Variants in FCHSD2 observed in about 807,000 individuals in gnomAD.
FCHSD2 encodes FCH and double SH3 domains 2, also known as F-BAR and double SH3 domains protein 2.
Under a neutral mutation model 108.1 loss-of-function variants are expected in FCHSD2, and 38 were observed. The observed-to-expected ratio is 0.35, with a 90% CI of 0.27 to 0.46. The LOEUF (loss-of-function observed/expected upper bound fraction) is 0.46. FCHSD2 is among the 20% of genes least tolerant of loss of function. FCHSD2 has a pLI of 1.00. For missense variants in FCHSD2, 751 were observed against 897.8 expected (o/e 0.84, Z 2.09); for synonymous variants, 279 against 314.7 (o/e 0.89, Z 1.20).
intron 3 of FCHSD2, among the ~76,000 whole-genome samples, chr11:73,065,736 G>A (rs1859274979): frequency 6.6e-6 from 1 of 152,030 alleles, no homozygotes. Context: ...AAAATCATGA[G>A]TGAACTCCCA....
intron 3 of FCHSD2, among the ~76,000 whole-genome samples, chr11:73,076,580 A>T (rs566653074): frequency 6.6e-6 from 1 of 152,324 alleles, no homozygotes; most frequent in Admixed American, 6.5e-5. Context: ...GATGAACTGG[A>T]ATAATGGCAA....
At chr11:73,023,819 A>G (rs537487715) in intron 3 of FCHSD2, among the ~76,000 whole-genome samples, 5 of 152,340 alleles carry the variant, frequency 3.3e-5, no homozygotes, top group Non-Finnish European at 7.4e-5. Flanking sequence ...AATAGTACTT[A>G]GCAATTAAAA....
At chr11:72,958,991 ATAT>A (rs751792335) in intron 8 of FCHSD2, among the ~76,000 whole-genome samples, 1 of 41,660 alleles carries the variant, frequency 2.4e-5, no homozygotes, top group African/African-American at 5.3e-5. Flanking sequence ...CATCAGTAAG[ATAT>A]GTGTGTGTGT....
chr11:72,846,418 G>A (rs528604944), intron 14 of FCHSD2, among the ~76,000 whole-genome samples: 369 of 152,202 alleles, frequency 2.4e-3, no homozygotes, highest in Non-Finnish European at 4.2e-3. Flanking sequence ...CTGACCTCGC[G>A]ATTCGCCCGC....
chr11:73,012,568 TA>T (rs1336166140), intron 4 of FCHSD2, among the ~76,000 whole-genome samples: 2 of 152,174 alleles, frequency 1.3e-5, no homozygotes, highest in Non-Finnish European at 2.9e-5. Flanking sequence ...ATAACAAAAC[TA>T]AAATAAGCTC....
intron 3 of FCHSD2, among the ~76,000 whole-genome samples, chr11:73,036,711 C>A (rs1165911828): frequency 6.6e-6 from 1 of 152,086 alleles, no homozygotes; most frequent in Non-Finnish European, 1.5e-5. Flanking sequence ...TTTATTCATC[C>A]GTGTAACAAA....
chr11:72,869,417 A>T (rs1854802208), intron 12 of FCHSD2: 1 of 151,614 alleles, frequency 6.6e-6, no homozygotes, highest in Non-Finnish European at 1.5e-5. Flanking sequence ...TGAAGAAGGG[A>T]AAGAGAGGGT....
At chr11:72,927,449 G>A (rs142637835) in intron 8 of FCHSD2, among the ~76,000 whole-genome samples, 91 of 152,236 alleles carry the variant, frequency 6.0e-4, no homozygotes, top group African/African-American at 2.0e-3. Flanking sequence ...CACTCTGATG[G>A]GGGATGTTGA....
intron 2 of FCHSD2, among the ~76,000 whole-genome samples, chr11:73,117,420 T>C (rs1860630148): frequency 6.6e-6 from 1 of 152,218 alleles, no homozygotes; most frequent in South Asian, 2.1e-4. Flanking sequence ...TAGGCATATT[T>C]TGGGTTTTTT....
rs140782014 is a variant in FCHSD2 at position 73,064,787 on chromosome 11, C to A, written c.165+18908G>T. 8.2e-3 allele frequency among the ~76,000 whole-genome samples: 1,244 copies of A among 152,190 alleles called. 19 individuals carry two copies. The highest frequency in any genetic ancestry group is 0.029 in the African/African-American group (1,195 of 41,518). On this transcript the variant is annotated intron_variant, in intron 3 of 19. Transcript: ENST00000409418. ...ATGGATAAATTCCTTGACACATACA[C>A]CCTCCGAAGTCTAAACCAGAAAGAA...
At chr11:72,845,057 C>T (rs979185414) in intron 14 of FCHSD2, among the ~76,000 whole-genome samples, 1 of 152,110 alleles carries the variant, frequency 6.6e-6, no homozygotes, top group African/African-American at 2.4e-5. Context: ...TCAACACGAC[C>T]AGACGTTAAT....
chr11:73,065,025 G>C (rs1859258332), intron 3 of FCHSD2, among the ~76,000 whole-genome samples: 1 of 152,124 alleles, frequency 6.6e-6, no homozygotes, highest in African/African-American at 2.4e-5. Flanking sequence ...GCATCATCCT[G>C]ATACCAAAGC....
chr11:73,015,301 A>C (rs1242105401), intron 4 of FCHSD2, among the ~76,000 whole-genome samples: 1 of 152,228 alleles, frequency 6.6e-6, no homozygotes, highest in Non-Finnish European at 1.5e-5. Flanking sequence ...AAAAATACAA[A>C]CACATATATT....
At chr11:72,840,549 GA>G (rs1406516290) in intron 19 of FCHSD2, among the ~76,000 whole-genome samples, 2 of 152,176 alleles carry the variant, frequency 1.3e-5, no homozygotes. Context: ...TAGAGGCCTG[GA>G]AAATTAAATG....
chr11:73,031,677 T>C (rs570538667), intron 3 of FCHSD2, among the ~76,000 whole-genome samples: 1 of 152,308 alleles, frequency 6.6e-6, no homozygotes, highest in Non-Finnish European at 1.5e-5. Flanking sequence ...ACACTGCTTA[T>C]ACCCAGGAAT....
chr11:72,845,462 C>CAAAAAAAAAAAAAAAA (rs1346526182), intron 14 of FCHSD2, among the ~76,000 whole-genome samples: 1 of 17,384 alleles, frequency 5.8e-5, no homozygotes, highest in African/African-American at 1.2e-4. Context: ...AAAAAAAAAA[C>CAAAAAAAAAAAAAAAA]AACAACAAAC....
chr11:72,934,110 GAAAAAAA>G (rs375464183), intron 8 of FCHSD2, among the ~76,000 whole-genome samples: 79 of 50,894 alleles, frequency 1.6e-3, no homozygotes, highest in African/African-American at 5.5e-3. Context: ...CACTGTCTCA[GAAAAAAA>G]AAAAAAAAAA....
chr11:73,053,773 T>C (rs1290264767), intron 3 of FCHSD2, among the ~76,000 whole-genome samples: 1 of 152,232 alleles, frequency 6.6e-6, no homozygotes, highest in African/African-American at 2.4e-5. Context: ...ACAAAAAAGT[T>C]ATGACTATAG....
At chr11:72,960,784 A>G (rs571696188) in intron 8 of FCHSD2, among the ~76,000 whole-genome samples, 32 of 152,338 alleles carry the variant, frequency 2.1e-4, no homozygotes, top group African/African-American at 7.5e-4. Context: ...AAAGAACCCC[A>G]GGGTGTGAAA....
Sources: gnomAD v4.1 joint callset for allele counts (sites outside exome capture counted in the v4.1 genomes callset) on GRCh38, gnomAD v4.1.1 for gene constraint, MANE v1.5 for transcripts, NCBI Gene and HGNC (gene_info 2026-07-23, HGNC 2026-07-21) for gene names.